The following AKAP3 variants were observed in gnomAD, a reference collection of about 807,000 sequenced individuals.
AKAP3 encodes the protein A-kinase anchor protein 3.
AKAP3 carries 27 observed loss-of-function variants against 57.2 expected under a neutral mutation model. That is an observed-to-expected ratio of 0.47 (90% CI 0.35 to 0.65). AKAP3 has a LOEUF of 0.65. Ranked by LOEUF, AKAP3 falls within the 30% of genes least tolerant of loss-of-function variation. AKAP3 has a pLI of 0.01. For synonymous variants in AKAP3, 334 were observed against 392.3 expected, an observed-to-expected ratio of 0.85 and a Z score of 1.76; for missense variants, 959 against 1,040.0, an observed-to-expected ratio of 0.92 and a Z score of 1.07.
intron 4 of AKAP3, among the ~76,000 whole-genome samples, chr12:4,631,725 C>A (rs1945501261): frequency 6.6e-6 from 1 of 152,076 alleles, no homozygotes; most frequent in Non-Finnish European, 1.5e-5. Flanking sequence ...TTTTACAGAA[C>A]CTAACTCAGA....
At chr12:4,623,733 T>C (rs1317134075) in intron 5 of AKAP3, among the ~76,000 whole-genome samples, 1 of 152,100 alleles carries the variant, frequency 6.6e-6, no homozygotes, top group Non-Finnish European at 1.5e-5. Flanking sequence ...CAAGCACATA[T>C]ACCCCTGAAC....
chr12:4,624,018 TCA>T (rs1945377758), intron 5 of AKAP3, among the ~76,000 whole-genome samples: 1 of 152,158 alleles, frequency 6.6e-6, no homozygotes, highest in Non-Finnish European at 1.5e-5. Flanking sequence ...AATAATATTC[TCA>T]GTGACCTTGA....
At chr12:4,631,497 A>G (rs1945497590) in intron 4 of AKAP3, 2 of 590,664 alleles carry the variant, frequency 3.4e-6, no homozygotes, top group Non-Finnish European at 6.0e-6. Context: ...TAATTCAAAA[A>G]ATGTTAGATG....
At chr12:4,617,386 G>A (rs1467058542) in intron 5 of AKAP3, among the ~76,000 whole-genome samples, 1 of 152,240 alleles carries the variant, frequency 6.6e-6, no homozygotes, top group Non-Finnish European at 1.5e-5. Flanking sequence ...GGAACATTAA[G>A]AATGAATGAA....
chr12:4,635,789 G>A, intron 4 of AKAP3: 1 of 703,030 alleles, frequency 1.4e-6, no homozygotes, highest in Admixed American at 2.1e-5. Flanking sequence ...CTATACTGTA[G>A]TGTCATCAAG....
rs1416238125 is a variant in AKAP3, at chr12:4,648,999, C to G, written c.-499G>C. ...TTCACTTTCCCAGCTTTCTTCTTAA[C>G]CAACAATCTACCCGAAACCGTCGTT... On this transcript the variant is annotated 5_prime_UTR_variant, in exon 1 of 6. Coordinates refer to ENST00000228850, the MANE Select transcript of AKAP3 (RefSeq NM_001278309.2). 1.7e-5 allele frequency: 18 copies of G among 1,063,054 alleles called. No homozygotes were observed. Among genetic ancestry groups the G allele is most frequent in the Non-Finnish European group, 2.3e-5 (17 of 729,842 alleles). 65.9% of individuals were successfully genotyped at this position (1,063,054 alleles called of 1,614,324 possible).
chr12:4,624,293 A>T lies in AKAP3; in HGVS notation c.2406+2203T>A, dbSNP rs1019354373. Among the ~76,000 whole-genome samples, 70 of 151,200 alleles carry T rather than the reference A, an allele frequency of 4.6e-4. 1 individual carries two copies. The highest frequency in any genetic ancestry group is 1.6e-3 in the Admixed American group (24 of 15,144). ...TGTTGCAGAAGAGGATATATATATA[A>T]AAAATAATAATTTGTGACTTTACGT... is the stretch of plus-strand genomic sequence containing the variant. On this transcript the variant is annotated intron_variant, in intron 5 of 5. Transcript: ENST00000228850.
chr12:4,628,254 G>A lies in AKAP3; in HGVS notation c.648C>T (p.Ser216=). The stretch of plus-strand genomic sequence containing the variant: ...TGGTGCTCTCCTTGATCTTCAAAGT[G>A]GACTTGTATTTCAAATTTGGGGGAC... ...SQSPPNLKYK[S]TLKIKESTKE... The change falls in exon 5 of 6, where the codon TCC becomes TCT. Residue 216 remains serine (S), a synonymous_variant. Coordinates refer to ENST00000228850, the MANE Select transcript of AKAP3 (RefSeq NM_001278309.2). The A allele has an allele frequency of 6.2e-7, 1 of 1,614,108 alleles. No individual in the cohort carries two copies. Among genetic ancestry groups the A allele is most frequent in the Non-Finnish European group, 8.5e-7 (1 of 1,179,984 alleles).
At position 4,626,636 on chromosome 12, in the gene AKAP3, T is replaced by C. The variant is rs1945415454; in HGVS notation, c.2266A>G (p.Thr756Ala). Residue 756 changes from threonine (T) to alanine (A), a missense_variant, in exon 5 of 6, where the codon ACG (threonine) becomes GCG (alanine). Thr to Ala is a moderately conservative substitution (Grantham distance 58, BLOSUM62 0). Transcript: ENST00000228850. ...AGGTTGTGATTGCTGACAATCACCG[T>C]GGGTGCTGCACACCCTTCAGGGGGC... ...GQPPEGCAAPTVIVSNHNLTD... is the reference protein window; with the variant it reads ...GQPPEGCAAPAVIVSNHNLTD... 6.2e-7 allele frequency: 1 copy of C among 1,614,228 alleles called. No individual in the cohort carries two copies. Among genetic ancestry groups the C allele is most frequent in the Non-Finnish European group, 8.5e-7 (1 of 1,180,032 alleles).
chr12:4,644,916 C>CA (rs576896565), intron 2 of AKAP3, 139 bp downstream of exon 2: 135 of 147,530 alleles, frequency 9.2e-4, no homozygotes, highest in African/African-American at 2.2e-3. Context: ...CCATCTCAAA[C>CA]AAAAAAAAAA....
intron 3 of AKAP3, among the ~76,000 whole-genome samples, chr12:4,638,817 T>C (rs1476100601): frequency 6.6e-6 from 1 of 152,192 alleles, no homozygotes; most frequent in African/African-American, 2.4e-5. Context: ...TGTGCGCCAT[T>C]CAAAAGGCCT....
intron 5 of AKAP3, among the ~76,000 whole-genome samples, chr12:4,618,289 A>C (rs907944357): frequency 8.5e-5 from 13 of 152,258 alleles, no homozygotes; most frequent in Non-Finnish European, 1.8e-4. Context: ...TGAAAATGCC[A>C]ATCAAAAGAA....
rs144694533 is a variant in AKAP3, at chr12:4,627,942, C to G, written c.960G>C (p.Lys320Asn). Reference sequence around the variant, plus strand: ...CCTCTTTTGCATGCTTGAGCAGAACCTTCTTCAGTAGGATGGTGGCAATGG... The same window carrying G: ...CCTCTTTTGCATGCTTGAGCAGAACGTTCTTCAGTAGGATGGTGGCAATGG... ...DTTIATILLKKVLLKHAKEVV... is the reference protein window; with the variant it reads ...DTTIATILLKNVLLKHAKEVV... The change falls in exon 5 of 6, where the codon AAG becomes AAC. Residue 320 changes from lysine to asparagine, a missense_variant. By Grantham distance (94) the Lys-to-Asn change is moderately conservative (BLOSUM62 0). Transcript: ENST00000228850. 1.2e-6 allele frequency: 2 copies of G among 1,613,984 alleles called. No individual in the cohort carries two copies. Among genetic ancestry groups the G allele is most frequent in the Non-Finnish European group, 8.5e-7 (1 of 1,180,022 alleles).
At position 4,626,901 on chromosome 12, in the gene AKAP3, C is replaced by G. The variant is rs1241612872; in HGVS notation, c.2001G>C (p.Gly667=). 4 of 1,613,976 alleles carry G rather than the reference C, an allele frequency of 2.5e-6. No homozygotes were observed. ...AGTTCATCAGATGTTCTACCATCTG[C>G]CCACTCATGTGGCCATCTATCTGGC... is the stretch of plus-strand genomic sequence containing the variant. ...AVSQIDGHMS[G]QMVEHLMNSV... The change falls in exon 5 of 6, where the codon GGG becomes GGC. Residue 667 remains glycine, a synonymous_variant. Coordinates refer to ENST00000228850, the MANE Select transcript of AKAP3 (RefSeq NM_001278309.2).
chr12:4,636,725 A>G (rs1945570525), intron 4 of AKAP3, among the ~76,000 whole-genome samples: 1 of 152,222 alleles, frequency 6.6e-6, no homozygotes, highest in Non-Finnish European at 1.5e-5. Context: ...GCATTTGATT[A>G]CATGCAAATA....
chr12:4,639,845 C>T (rs1945615208), intron 3 of AKAP3, among the ~76,000 whole-genome samples: 1 of 132,844 alleles, frequency 7.5e-6, no homozygotes. Flanking sequence ...GAGACAGAGT[C>T]TCGCTCTTTC....
chr12:4,626,882 T>C lies in AKAP3; in HGVS notation c.2020A>G (p.Met674Val). 1 of 1,614,172 alleles carries C rather than the reference T, an allele frequency of 6.2e-7. No homozygotes were observed. Among genetic ancestry groups the C allele is most frequent in the Non-Finnish European group, 8.5e-7 (1 of 1,180,028 alleles). The change falls in exon 5 of 6, where the codon ATG becomes GTG. Residue 674 changes from methionine to valine, a missense_variant. Coordinates refer to ENST00000228850, the MANE Select transcript of AKAP3 (RefSeq NM_001278309.2). ...HMSGQMVEHL[M>V]NSVMKLCVII... ...ACACACAGCTTCATCACTGAGTTCA[T>C]CAGATGTTCTACCATCTGCCCACTC... is the stretch of plus-strand genomic sequence containing the variant.
intron 5 of AKAP3, among the ~76,000 whole-genome samples, chr12:4,618,862 T>G (rs1005477613): frequency 2.0e-5 from 3 of 152,144 alleles, no homozygotes; most frequent in African/African-American, 2.4e-5. Context: ...TTCAAAAGAC[T>G]CCATTAAATA....
rs766221100 is a variant in AKAP3, at chr12:4,627,750, T to C, written c.1152A>G (p.Val384=). The C allele has an allele frequency of 2.4e-5, 39 of 1,614,028 alleles. No homozygotes were observed. The highest frequency in any genetic ancestry group is 3.1e-5 in the Non-Finnish European group (36 of 1,180,028). ...GCTCAGGGACTTTCTTGGCAAACAT[T>C]ACATTGTACAGCTTCCTTAGCATGG... ...MDAMLRKLYN[V]MFAKKVPEHV... The change falls in exon 5 of 6, where the codon GTA becomes GTG. Residue 384 remains valine (V), a synonymous_variant. Coordinates refer to ENST00000228850, the MANE Select transcript of AKAP3 (RefSeq NM_001278309.2).
Sources: gnomAD v4.1 joint callset for allele counts (sites outside exome capture counted in the v4.1 genomes callset) on GRCh38, gnomAD v4.1.1 for gene constraint, MANE v1.5 for transcripts, NCBI Gene and HGNC (gene_info 2026-07-23, HGNC 2026-07-21) for gene names.